Variants in SCAPER observed in about 807,000 individuals in gnomAD.
SCAPER encodes the protein S-phase cyclin A associated protein in the ER.
A neutral mutation model predicts 182.2 loss-of-function variants in SCAPER; 98 were observed. The ratio of observed to expected loss-of-function variants is 0.54; its 90% CI spans 0.46 to 0.64. The LOEUF (loss-of-function observed/expected upper bound fraction) is 0.64, where lower values mean the gene tolerates loss of function less well. Among genes scored for constraint, SCAPER ranks in the 30% least tolerant of loss-of-function variants. The pLI, the probability that SCAPER is intolerant of heterozygous loss-of-function variation, is 0.00. For missense variants in SCAPER, 1,432 were observed against 1,690.0 expected (o/e 0.85, Z 2.68); for synonymous variants, 605 against 564.6 (o/e 1.07, Z -1.01).
At chr15:76,361,927 A>G (rs928416455) in intron 29 of SCAPER, among the ~76,000 whole-genome samples, 1 of 152,250 alleles carries the variant, frequency 6.6e-6, no homozygotes, top group African/African-American at 2.4e-5. Flanking sequence ...TTAAGATGGA[A>G]GGAGACATCA....
At chr15:76,665,249 T>C (rs1397849661) in intron 21 of SCAPER, among the ~76,000 whole-genome samples, 1 of 152,206 alleles carries the variant, frequency 6.6e-6, no homozygotes, top group Non-Finnish European at 1.5e-5. Context: ...CCAAATTGAT[T>C]AAGCCTAGTC....
chr15:76,456,708 C>T (rs2048763130), intron 25 of SCAPER, among the ~76,000 whole-genome samples: 1 of 152,190 alleles, frequency 6.6e-6, no homozygotes, highest in African/African-American at 2.4e-5. Flanking sequence ...AAATATCCAT[C>T]TCTGAGAATG....
At chr15:76,497,763 T>C (rs2143608787) in intron 24 of SCAPER, among the ~76,000 whole-genome samples, 1 of 151,462 alleles carries the variant, frequency 6.6e-6, no homozygotes, top group African/African-American at 2.4e-5. Context: ...GAGGCCGAGG[T>C]GGGTGGATCA....
chr15:76,410,430 T>C (rs985713322), intron 26 of SCAPER, among the ~76,000 whole-genome samples: 1 of 152,236 alleles, frequency 6.6e-6, no homozygotes, highest in Non-Finnish European at 1.5e-5. Context: ...AAAGTATTAC[T>C]ACTATATAGC....
At chr15:76,545,302 A>C (rs1322296932) in intron 23 of SCAPER, among the ~76,000 whole-genome samples, 1 of 152,148 alleles carries the variant, frequency 6.6e-6, no homozygotes. Context: ...GTTAACTGGC[A>C]CAAGAAAATA....
rs181296933 is a variant in SCAPER, at chr15:76,781,661, G to T, written c.773-6544C>A. 5.3e-5 allele frequency among the ~76,000 whole-genome samples: 8 copies of T among 152,304 alleles called. No homozygotes were observed. The East Asian group carries it at 1.5e-3, about 29-fold the overall frequency. On this transcript the variant is annotated intron_variant, in intron 8 of 31. Coordinates refer to ENST00000563290, the MANE Select transcript of SCAPER (RefSeq NM_020843.4). ...AGAGAAAGGTAGGGTTACCCACAAA[G>T]GGAAGCCCATCAGACTAACAGTGGA...
chr15:76,701,651 G>C, intron 20 of SCAPER, 107 bp downstream of exon 20: 1 of 842,486 alleles, frequency 1.2e-6, no homozygotes, highest in Non-Finnish European at 1.9e-6. Flanking sequence ...GCTAAATATA[G>C]TTTTAAATAA....
intron 22 of SCAPER, among the ~76,000 whole-genome samples, chr15:76,574,642 G>A (rs1339452769): frequency 6.6e-6 from 1 of 152,106 alleles, no homozygotes; most frequent in African/African-American, 2.4e-5. Context: ...AACCTGAGCA[G>A]GTTTTTATAT....
chr15:76,476,251 T>C (rs2050618249), intron 24 of SCAPER, among the ~76,000 whole-genome samples: 1 of 152,344 alleles, frequency 6.6e-6, no homozygotes, highest in South Asian at 2.1e-4. Context: ...TGTGGTTTCT[T>C]GGGTGTAAGA....
intron 30 of SCAPER, among the ~76,000 whole-genome samples, chr15:76,351,661 T>C (rs1232966950): frequency 6.6e-6 from 1 of 152,228 alleles, no homozygotes; most frequent in Non-Finnish European, 1.5e-5. Context: ...TCTGGTAATT[T>C]TGCATGTAGA....
At chr15:76,496,951 A>G (rs2040606304) in intron 24 of SCAPER, among the ~76,000 whole-genome samples, 1 of 152,096 alleles carries the variant, frequency 6.6e-6, no homozygotes, top group Non-Finnish European at 1.5e-5. Context: ...TTTTAAGTAA[A>G]AAGAGCCATT....
chr15:76,879,969 A>G (rs1209728171), intron 2 of SCAPER, among the ~76,000 whole-genome samples: 1 of 152,214 alleles, frequency 6.6e-6, no homozygotes, highest in Non-Finnish European at 1.5e-5. Flanking sequence ...GGTGTCTGGC[A>G]CATAAATATG....
At chr15:76,807,207 T>C (rs947602899) in intron 5 of SCAPER, among the ~76,000 whole-genome samples, 1 of 152,254 alleles carries the variant, frequency 6.6e-6, no homozygotes. Context: ...TTTTCATAGA[T>C]ACTCTTTATC....
chr15:76,363,121 A>T (rs1300340040), intron 29 of SCAPER, among the ~76,000 whole-genome samples: 6 of 152,184 alleles, frequency 3.9e-5, no homozygotes, highest in Admixed American at 3.9e-4. Flanking sequence ...GCAAAGACAG[A>T]CTGCTATGAA....
intron 25 of SCAPER, among the ~76,000 whole-genome samples, chr15:76,459,518 C>T: frequency 7.0e-6 from 1 of 143,180 alleles, no homozygotes. Context: ...ATGTCTTTTG[C>T]TCACTTTTTA....
intron 26 of SCAPER, among the ~76,000 whole-genome samples, chr15:76,425,452 G>A (rs971155376): frequency 1.3e-5 from 2 of 152,168 alleles, no homozygotes; most frequent in African/African-American, 4.8e-5. Context: ...CTCGTGCCAC[G>A]GTTTTCAGCT....
intron 20 of SCAPER, among the ~76,000 whole-genome samples, chr15:76,692,670 C>T: frequency 8.7e-6 from 1 of 114,464 alleles, no homozygotes; most frequent in East Asian, 2.9e-4. Flanking sequence ...GCCTGGGTGA[C>T]AGAGCAAGAT....
chr15:76,371,023 T>C (rs1431654004), intron 29 of SCAPER, among the ~76,000 whole-genome samples: 2 of 152,218 alleles, frequency 1.3e-5, no homozygotes, highest in African/African-American at 2.4e-5. Context: ...ACCTGTTACA[T>C]GCCTGGCCTT....
intron 29 of SCAPER, among the ~76,000 whole-genome samples, chr15:76,361,282 C>T (rs527688472): frequency 3.3e-5 from 5 of 152,252 alleles, no homozygotes; most frequent in South Asian, 2.1e-4. Context: ...CAGTCAAGAA[C>T]GTGAAAAGAA....
Sources: gnomAD v4.1 joint callset for allele counts (sites outside exome capture counted in the v4.1 genomes callset) on GRCh38, gnomAD v4.1.1 for gene constraint, MANE v1.5 for transcripts, NCBI Gene and HGNC (gene_info 2026-07-23, HGNC 2026-07-21) for gene names.